ARMC9: variants seen among roughly 807,000 people sequenced by gnomAD.
ARMC9 encodes armadillo repeat containing 9.
Under a neutral mutation model 107.0 loss-of-function variants are expected in ARMC9, and 94 were observed. The ratio of observed to expected loss-of-function variants is 0.88; its 90% CI spans 0.74 to 1.04. The LOEUF is 1.04. ARMC9 is among the 50% of genes least tolerant of loss of function. ARMC9 has a pLI of 0.00. For missense variants in ARMC9, 942 were observed against 1,030.1 expected, an observed-to-expected ratio of 0.91 and a Z score of 1.17; for synonymous variants, 380 against 396.9, an observed-to-expected ratio of 0.96 and a Z score of 0.51.
Position 231,271,042 on chromosome 2 carries a change from C to A in ARMC9, c.1180C>A (p.Leu394Ile), listed in dbSNP as rs1349452913. 6.2e-7 allele frequency: 1 copy of A among 1,614,142 alleles called. No individual in the cohort carries two copies. Among genetic ancestry groups the A allele is most frequent in the South Asian group, 1.1e-5 (1 of 91,080 alleles). Residue 394 changes from leucine (L) to isoleucine (I), a missense_variant, in exon 13 of 25, where the codon CTC becomes ATC. Transcript: ENST00000611582. ...SDVVRQYMAR[L>I]INAFASLAEG... Reference sequence around the variant, plus strand: ...CGTGGTGCGGCAGTACATGGCCAGGCTCATCAATGCTTTTGCGTCACTGGC... The same window carrying A: ...CGTGGTGCGGCAGTACATGGCCAGGATCATCAATGCTTTTGCGTCACTGGC...
At chr2:231,206,675 T>C (rs1422156756) in intron 2 of ARMC9, among the ~76,000 whole-genome samples, 2 of 152,218 alleles carry the variant, frequency 1.3e-5, no homozygotes, top group African/African-American at 2.4e-5. Context: ...CTGCCAACAA[T>C]AATATAGCAT....
chr2:231,310,506 G>A (rs1210260264), intron 19 of ARMC9, among the ~76,000 whole-genome samples: 2 of 150,572 alleles, frequency 1.3e-5, no homozygotes, highest in African/African-American at 4.9e-5. Flanking sequence ...CGAGGTGGGC[G>A]GATCACCTGA....
At chr2:231,348,674 A>G (rs952289342) in intron 21 of ARMC9, among the ~76,000 whole-genome samples, 1 of 152,246 alleles carries the variant, frequency 6.6e-6, no homozygotes, top group Non-Finnish European at 1.5e-5. Context: ...AATATTTGCA[A>G]ACTACCCATC....
chr2:231,341,459 G>A (rs1327890585), intron 20 of ARMC9, among the ~76,000 whole-genome samples: 2 of 152,218 alleles, frequency 1.3e-5, no homozygotes, highest in African/African-American at 4.8e-5. Flanking sequence ...GCCCCTAGCT[G>A]CACGGGAGTC....
intron 3 of ARMC9, among the ~76,000 whole-genome samples, chr2:231,214,303 G>A (rs1467951876): frequency 6.6e-6 from 1 of 152,188 alleles, no homozygotes; most frequent in African/African-American, 2.4e-5. Context: ...TCAGCCTGGT[G>A]TGCTTCTAGC....
intron 17 of ARMC9, among the ~76,000 whole-genome samples, chr2:231,287,805 A>C (rs2040710118): frequency 6.6e-6 from 1 of 152,208 alleles, no homozygotes; most frequent in African/African-American, 2.4e-5. Context: ...CCATAATTCT[A>C]CTTCTGAAGC....
intron 19 of ARMC9, among the ~76,000 whole-genome samples, chr2:231,315,737 TAATG>T (rs1365589716): frequency 2.0e-5 from 3 of 151,938 alleles, no homozygotes; most frequent in African/African-American, 7.3e-5. Context: ...ATATTCATAT[TAATG>T]TAATAATTGA....
chr2:231,276,654 G>T lies in ARMC9; in HGVS notation c.1353G>T (p.Ala451=), dbSNP rs775401209. The T allele has an allele frequency of 2.0e-5, 32 of 1,614,056 alleles. No homozygotes were observed. In the South Asian group the frequency reaches 3.3e-4, roughly 17 times the overall value. The change falls in exon 15 of 25, where the codon GCG becomes GCT. Residue 451 remains alanine, a synonymous_variant. Coordinates refer to ENST00000611582, the MANE Select transcript of ARMC9 (RefSeq NM_001352754.2). ...TTCCCAGGCGCCCGCTGCAGACAGC[G>T]ATGATTCAAGACGGCCTCATCTTCT... ...KFSLRRPLQT[A]MIQDGLIFWL...
At chr2:231,364,150 G>A (rs1382562690) in intron 23 of ARMC9, among the ~76,000 whole-genome samples, 1 of 152,246 alleles carries the variant, frequency 6.6e-6, no homozygotes, top group Non-Finnish European at 1.5e-5. Flanking sequence ...GTGCAGGAAG[G>A]TGATGGCAGG....
At chr2:231,355,443 A>G (rs2045300099) in intron 21 of ARMC9, among the ~76,000 whole-genome samples, 1 of 152,198 alleles carries the variant, frequency 6.6e-6, no homozygotes, top group Admixed American at 6.5e-5. Context: ...CCCTTCATTC[A>G]TCTGCTTCAT....
intron 7 of ARMC9, 99 bp downstream of exon 7, chr2:231,226,897 G>T (rs1310900927): frequency 2.9e-6 from 4 of 1,395,354 alleles, no homozygotes; most frequent in East Asian, 2.3e-5. Flanking sequence ...CATGATTTTG[G>T]CTTTAAGAGT....
intron 5 of ARMC9, among the ~76,000 whole-genome samples, chr2:231,221,830 C>CAAA (rs61031104): frequency 0.13 from 9,530 of 73,816 alleles, 661 homozygotes; most frequent in East Asian, 0.26. Flanking sequence ...GACTCTGTCT[C>CAAA]AAAAAAAAAA....
chr2:231,338,717 C>G (rs889904839), intron 20 of ARMC9, among the ~76,000 whole-genome samples: 2 of 151,840 alleles, frequency 1.3e-5, no homozygotes, highest in African/African-American at 4.8e-5. Context: ...ATTATAAAAT[C>G]TAGAAAAATA....
chr2:231,228,367 C>A (rs190249840), intron 7 of ARMC9, among the ~76,000 whole-genome samples: 16 of 152,310 alleles, frequency 1.1e-4, no homozygotes, highest in African/African-American at 3.8e-4. Context: ...TGCAGTCAGG[C>A]GGAGCGGCCT....
At chr2:231,287,595 C>T (rs2040690807) in intron 17 of ARMC9, among the ~76,000 whole-genome samples, 1 of 152,084 alleles carries the variant, frequency 6.6e-6, no homozygotes, top group East Asian at 1.9e-4. Context: ...TGTCACCAGG[C>T]TGGTCTCGAA....
chr2:231,370,592 G>C (rs968858893), intron 24 of ARMC9: 2 of 159,628 alleles, frequency 1.3e-5, no homozygotes, highest in Admixed American at 1.3e-4. Context: ...AAACAGAAGC[G>C]GGTGTCTGCT....
At chr2:231,371,022 C>A (rs1303910657) in intron 24 of ARMC9, 22 of 454,532 alleles carry the variant, frequency 4.8e-5, no homozygotes, top group Non-Finnish European at 9.2e-5. Flanking sequence ...CAGGTTGGGA[C>A]CCCTCCCACT....
At chr2:231,271,902 A>G (rs978742543) in intron 13 of ARMC9, among the ~76,000 whole-genome samples, 10 of 152,134 alleles carry the variant, frequency 6.6e-5, no homozygotes, top group Non-Finnish European at 2.9e-5. Context: ...GTATGGAAGC[A>G]TTCCTTGGCT....
chr2:231,273,002 G>T lies in ARMC9; in HGVS notation c.1258G>T (p.Gly420Ter). ...CACAAAGGTGCTGCAGATGCTGGAG[G>T]GAAGGCTGAAGGAGGAGGACAAGGA... ...QNTKVLQMLE[G>*]RLKEEDKDII... The change falls in exon 14 of 25, where the codon GGA becomes TGA. Residue 420 changes from glycine to a stop codon, truncating the protein, a stop_gained. Transcript: ENST00000611582. LOFTEE classifies it high-confidence loss of function. 6.2e-7 allele frequency: 1 copy of T among 1,613,908 alleles called. No homozygotes were observed. Among genetic ancestry groups the T allele is most frequent in the African/African-American group, 1.3e-5 (1 of 75,034 alleles).
Sources: gnomAD v4.1 joint callset for allele counts (sites outside exome capture counted in the v4.1 genomes callset) on GRCh38, gnomAD v4.1.1 for gene constraint, MANE v1.5 for transcripts, NCBI Gene and HGNC (gene_info 2026-07-23, HGNC 2026-07-21) for gene names.